CNTRL: variants seen among roughly 807,000 people sequenced by gnomAD.
CNTRL encodes the protein centriolin, also known as 110 kDa centrosomal protein.
Under a neutral mutation model 303.7 loss-of-function variants are expected in CNTRL, and 233 were observed. The ratio of observed to expected loss-of-function variants is 0.77; its 90% CI spans 0.69 to 0.86. The LOEUF is 0.86. CNTRL is among the 40% of genes least tolerant of loss of function. The pLI is 0.00. For synonymous variants in CNTRL, 900 were observed against 922.2 expected, an observed-to-expected ratio of 0.98 and a Z score of 0.44; for missense variants, 2,524 against 2,650.6, an observed-to-expected ratio of 0.95 and a Z score of 1.05.
chr9:121,164,175 A>G (rs1346462497), intron 34 of CNTRL, among the ~76,000 whole-genome samples: 1 of 152,140 alleles, frequency 6.6e-6, no homozygotes, highest in East Asian at 1.9e-4. Context: ...GAACTTTCAT[A>G]TATGATTGAG....
chr9:121,154,562 G>T (rs1028176463), intron 26 of CNTRL, among the ~76,000 whole-genome samples, 159 bp from the exon 27 acceptor site: 3 of 152,154 alleles, frequency 2.0e-5, no homozygotes, highest in Non-Finnish European at 4.4e-5. Flanking sequence ...TAATAAGATG[G>T]TAAACCTAGA....
At chr9:121,105,461 G>C (rs2049421096) in intron 7 of CNTRL, among the ~76,000 whole-genome samples, 1 of 152,182 alleles carries the variant, frequency 6.6e-6, no homozygotes, top group African/African-American at 2.4e-5. Context: ...AGGTGGCATA[G>C]AGTCAGAAAT....
chr9:121,156,957 G>A (rs1277922524), intron 27 of CNTRL, among the ~76,000 whole-genome samples: 1 of 152,134 alleles, frequency 6.6e-6, no homozygotes, highest in African/African-American at 2.4e-5. Flanking sequence ...CCACTTAGTT[G>A]GGTAGATAGT....
intron 23 of CNTRL, among the ~76,000 whole-genome samples, chr9:121,148,303 A>T (rs536630421): frequency 6.6e-6 from 1 of 152,346 alleles, no homozygotes; most frequent in African/African-American, 2.4e-5. Flanking sequence ...TGGATGTTTT[A>T]AAATGGCTTT....
In CNTRL at chr9:121,080,453, T is replaced by G. The variant is rs1274776736; in HGVS notation, c.-57T>G. The stretch of plus-strand genomic sequence containing the variant: ...ACTGGGACTGCAAGTATACATACCG[T>G]GCCTGACGAAATATCACAATATTTG... On this transcript the variant is annotated 5_prime_UTR_variant, in exon 2 of 44. Transcript: ENST00000373855. 6.6e-6 allele frequency: 1 copy of G among 152,136 alleles called. No individual in the cohort carries two copies. Among genetic ancestry groups the G allele is most frequent in the Non-Finnish European group, 1.5e-5 (1 of 68,024 alleles). The allele number at this position is 152,136 out of a possible 1,614,324, so 9.4% of individuals were successfully genotyped here.
rs779924424 is a variant in CNTRL, at chr9:121,169,691, A to T, written c.6151A>T (p.Met2051Leu). The change falls in exon 39 of 44, where the codon ATG becomes TTG. Residue 2051 changes from methionine to leucine, a missense_variant. By Grantham distance (15) the Met-to-Leu change is conservative (BLOSUM62 2). Transcript: ENST00000373855. Reference sequence around the variant, plus strand: ...GGCCCTCCAGAAAGAGGCAGATTCTATGAGGGCAGACTTCAGCCTTCTGCG... The same window carrying T: ...GGCCCTCCAGAAAGAGGCAGATTCTTTGAGGGCAGACTTCAGCCTTCTGCG... ...LLALQKEADS[M>L]RADFSLLRNQ... is the part of the protein sequence containing the mutation. 2.5e-6 allele frequency: 4 copies of T among 1,614,090 alleles called. No homozygotes were observed. The African/African-American group carries it at 5.3e-5, about 22-fold the overall frequency.
At chr9:121,174,401 A>T (rs1014138353) in intron 42 of CNTRL, among the ~76,000 whole-genome samples, 6 of 152,228 alleles carry the variant, frequency 3.9e-5, no homozygotes, top group African/African-American at 1.4e-4. Flanking sequence ...AATAAATTAT[A>T]ATTAAGTTAA....
intron 40 of CNTRL, 112 bp from the exon 41 acceptor site, chr9:121,173,128 GTAA>G (rs1411968498): frequency 1.1e-6 from 1 of 906,804 alleles, no homozygotes; most frequent in Non-Finnish European, 1.6e-6. Flanking sequence ...TACAGTTCTA[GTAA>G]TCATAGTAGT....
intron 12 of CNTRL, among the ~76,000 whole-genome samples, chr9:121,120,785 G>A (rs2050191401): frequency 6.6e-6 from 1 of 152,200 alleles, no homozygotes; most frequent in Non-Finnish European, 1.5e-5. Context: ...CATGGGAATG[G>A]CATCCAAGTT....
intron 29 of CNTRL, 30 bp downstream of exon 29, chr9:121,157,910 G>A: frequency 4.3e-6 from 7 of 1,613,666 alleles, no homozygotes; most frequent in African/African-American, 1.3e-5. Context: ...GGCTACAAGG[G>A]GTTTGTGCTG....
intron 16 of CNTRL, 35 bp from the exon 17 acceptor site, chr9:121,140,606 G>A: frequency 1.3e-6 from 2 of 1,572,526 alleles, no homozygotes; most frequent in South Asian, 2.3e-5. Context: ...ATGCTGGCAT[G>A]TAATAGATAA....
intron 14 of CNTRL, among the ~76,000 whole-genome samples, chr9:121,128,903 C>T (rs940214107): frequency 6.6e-6 from 1 of 151,846 alleles, no homozygotes; most frequent in Non-Finnish European, 1.5e-5. Context: ...GATCCTTTCC[C>T]CATTTCTTGT....
At chr9:121,143,098 A>G (rs990442953) in intron 19 of CNTRL, among the ~76,000 whole-genome samples, 1 of 152,066 alleles carries the variant, frequency 6.6e-6, no homozygotes, top group Non-Finnish European at 1.5e-5. Flanking sequence ...CAAATAGACA[A>G]TATGACCCTT....
In CNTRL at chr9:121,141,535, G is replaced by A. The variant is rs749957384; in HGVS notation, c.2638G>A (p.Ala880Thr). ...EEMALQQEKL[A>T]TGQEEFRQAC... Reference sequence around the variant, plus strand: ...AATGGCTCTGCAGCAAGAGAAACTGGCAACTGGACAAGAAGAGTTCAGGCA... The same window carrying A: ...AATGGCTCTGCAGCAAGAGAAACTGACAACTGGACAAGAAGAGTTCAGGCA... The change falls in exon 18 of 44, where the codon GCA becomes ACA. Residue 880 changes from alanine to threonine, a missense_variant. Coordinates refer to ENST00000373855, the MANE Select transcript of CNTRL (RefSeq NM_007018.6). The A allele has an allele frequency of 5.6e-6, 9 of 1,613,972 alleles. No homozygotes were observed. The highest frequency in any genetic ancestry group is 2.7e-5 in the African/African-American group (2 of 74,916).
chr9:121,081,410 A>AATT (rs2048136174), intron 2 of CNTRL, among the ~76,000 whole-genome samples: 1 of 152,200 alleles, frequency 6.6e-6, no homozygotes, highest in Non-Finnish European at 1.5e-5. Context: ...CAATTCTGAC[A>AATT]CTGTCTGCCT....
At chr9:121,104,268 C>T (rs1047447442) in intron 7 of CNTRL, among the ~76,000 whole-genome samples, 3 of 152,148 alleles carry the variant, frequency 2.0e-5, no homozygotes, top group African/African-American at 7.2e-5. Flanking sequence ...TGCAAACTGT[C>T]ACAAGGACAG....
rs377336498 is a variant in CNTRL, at chr9:121,092,683, CTA to C, written c.349-2196_349-2195del. ...ATATATCTATATATATAATATATAT[CTA>C]TATATATAATATATATCTATATATA... On this transcript the variant is annotated intron_variant, in intron 4 of 43. Coordinates refer to ENST00000373855, the MANE Select transcript of CNTRL (RefSeq NM_007018.6). 0.013 allele frequency among the ~76,000 whole-genome samples: 195 copies of C among 15,594 alleles called. 66 individuals are homozygous for C. In the South Asian group the frequency reaches 0.14, roughly 12 times the overall value. 10.2% of individuals were successfully genotyped at this position (15,594 alleles called of 152,430 possible).
intron 42 of CNTRL, 52 bp from the exon 43 acceptor site, chr9:121,174,966 G>T: frequency 1.3e-6 from 2 of 1,528,056 alleles, no homozygotes; most frequent in Non-Finnish European, 1.8e-6. Flanking sequence ...CTGAGCGGCA[G>T]TTCTGGTACA....
chr9:121,106,105 G>T (rs2049455821), intron 7 of CNTRL, among the ~76,000 whole-genome samples: 2 of 152,054 alleles, frequency 1.3e-5, no homozygotes. Context: ...TTGGGAGGCC[G>T]AGGCAGATGG....
Sources: allele counts gnomAD v4.1 joint callset (sites outside exome capture counted in the v4.1 genomes callset), GRCh38; gene constraint gnomAD v4.1.1; transcripts MANE v1.5; gene names NCBI Gene and HGNC (gene_info 2026-07-23, HGNC 2026-07-21).